Variants in RERE observed in about 807,000 individuals in gnomAD.
RERE encodes the protein arginine-glutamic acid dipeptide repeats protein.
Under a neutral mutation model 146.1 loss-of-function variants are expected in RERE, and 40 were observed. The ratio of observed to expected loss-of-function variants is 0.27; its 90% CI spans 0.21 to 0.36. RERE has a LOEUF of 0.36. Ranked by LOEUF, RERE falls within the 10% of genes least tolerant of loss-of-function variation. The pLI, the probability that RERE is intolerant of heterozygous loss-of-function variation, is 1.00. For missense variants in RERE, 1,933 were observed against 2,138.7 expected, an observed-to-expected ratio of 0.90 and a Z score of 1.90; for synonymous variants, 1,003 against 866.0, an observed-to-expected ratio of 1.16 and a Z score of -2.78.
chr1:8,753,202 T>C (rs1480271507), intron 1 of RERE, among the ~76,000 whole-genome samples: 3 of 152,180 alleles, frequency 2.0e-5, no homozygotes, highest in Non-Finnish European at 4.4e-5. Flanking sequence ...AATGCTTCCC[T>C]GCGATAAAAG....
At chr1:8,647,854 T>A (rs1441172426) in intron 2 of RERE, among the ~76,000 whole-genome samples, 1 of 152,204 alleles carries the variant, frequency 6.6e-6, no homozygotes, top group African/African-American at 2.4e-5. Context: ...GTTAGGACCA[T>A]TTGTTAAAAT....
intron 2 of RERE, among the ~76,000 whole-genome samples, chr1:8,635,914 G>T (rs1352571445): frequency 1.3e-5 from 2 of 152,040 alleles, no homozygotes; most frequent in Non-Finnish European, 1.5e-5. Context: ...GGTAGACATG[G>T]AAACAACTGT....
intron 12 of RERE, among the ~76,000 whole-genome samples, chr1:8,378,279 C>G (rs933560574): frequency 1.3e-5 from 2 of 152,208 alleles, no homozygotes; most frequent in African/African-American, 4.8e-5. Context: ...TTCAGGCAAG[C>G]CTGCAAACCA....
chr1:8,513,033 T>A (rs1480030721), intron 7 of RERE: 2 of 152,082 alleles, frequency 1.3e-5, no homozygotes, highest in African/African-American at 4.8e-5. Flanking sequence ...ACGAGGAGCC[T>A]ACAGAGCCCA....
At chr1:8,419,919 T>C (rs967105653) in intron 12 of RERE, among the ~76,000 whole-genome samples, 9 of 152,198 alleles carry the variant, frequency 5.9e-5, no homozygotes, top group Non-Finnish European at 1.3e-4. Context: ...AGAAACACCA[T>C]TTTACAGAAA....
chr1:8,794,398 C>T (rs1641427970), intron 1 of RERE, among the ~76,000 whole-genome samples: 1 of 139,402 alleles, frequency 7.2e-6, no homozygotes, highest in South Asian at 2.4e-4. Context: ...GAAATCATTT[C>T]AGGAACTAAA....
At chr1:8,592,206 C>T (rs1363359497) in intron 4 of RERE, among the ~76,000 whole-genome samples, 1 of 152,106 alleles carries the variant, frequency 6.6e-6, no homozygotes, top group Non-Finnish European at 1.5e-5. Context: ...CACTTCCACC[C>T]TAAATGCATT....
At chr1:8,684,251 C>T (rs957883650) in intron 1 of RERE, among the ~76,000 whole-genome samples, 41 of 152,114 alleles carry the variant, frequency 2.7e-4, no homozygotes, top group African/African-American at 9.4e-4. Context: ...TTAAAGAATG[C>T]TTCAATGACC....
At chr1:8,629,596 A>T (rs190431696) in intron 2 of RERE, among the ~76,000 whole-genome samples, 3 of 152,316 alleles carry the variant, frequency 2.0e-5, no homozygotes, top group Non-Finnish European at 2.9e-5. Context: ...AGTCTGAAGC[A>T]TTAGGCAGTG....
intron 8 of RERE, among the ~76,000 whole-genome samples, chr1:8,501,090 T>C (rs1246560285): frequency 1.4e-5 from 1 of 69,052 alleles, no homozygotes; most frequent in African/African-American, 5.8e-5. Flanking sequence ...GGTGAGGGGC[T>C]CCTCTGCCCG....
At chr1:8,758,210 C>T (rs1179513051) in intron 1 of RERE, among the ~76,000 whole-genome samples, 5 of 151,604 alleles carry the variant, frequency 3.3e-5, no homozygotes, top group Admixed American at 3.3e-4. Context: ...CTGAGTCTCT[C>T]GAGTAGCTGG....
At chr1:8,724,585 G>A (rs192764718) in intron 1 of RERE, among the ~76,000 whole-genome samples, 1 of 152,202 alleles carries the variant, frequency 6.6e-6, no homozygotes, top group Admixed American at 6.5e-5. Flanking sequence ...GGTGGCTCAC[G>A]CTTGTAATCC....
chr1:8,556,219 T>C (rs1243000140), intron 6 of RERE, among the ~76,000 whole-genome samples: 1 of 147,632 alleles, frequency 6.8e-6, no homozygotes, highest in African/African-American at 2.5e-5. Context: ...GAAATGAAGA[T>C]ACAATAATAT....
intron 10 of RERE, among the ~76,000 whole-genome samples, chr1:8,474,530 C>T (rs565519641): frequency 6.6e-6 from 1 of 152,268 alleles, no homozygotes; most frequent in South Asian, 2.1e-4. Flanking sequence ...TTTCAAGTTT[C>T]TATTCTGGCT....
intron 1 of RERE, among the ~76,000 whole-genome samples, chr1:8,673,247 C>T (rs535661752): frequency 6.6e-6 from 1 of 152,318 alleles, no homozygotes; most frequent in African/African-American, 2.4e-5. Context: ...AGGTGCCCGC[C>T]ACCACACCCG....
rs138941144 is a variant in RERE, at chr1:8,398,173, C to T, written c.1284+24554G>A. 7.3e-4 allele frequency among the ~76,000 whole-genome samples: 111 copies of T among 152,348 alleles called. 1 individual carries two copies. Among genetic ancestry groups the T allele is most frequent in the Middle Eastern group, 3.4e-3 (1 of 294 alleles). ...ATTTCCACATGGAGTAACAGAAGGG[C>T]AGGCATTCTGGGCAGAACACTGCAG... On this transcript the variant is annotated intron_variant, in intron 12 of 22. Transcript: ENST00000400908.
intron 10 of RERE, among the ~76,000 whole-genome samples, chr1:8,469,345 G>A (rs1381961617): frequency 2.6e-5 from 4 of 152,152 alleles, no homozygotes; most frequent in Non-Finnish European, 5.9e-5. Flanking sequence ...TTGGCTGGGC[G>A]CGGTGGCTCA....
intron 4 of RERE, among the ~76,000 whole-genome samples, chr1:8,575,069 T>C (rs978285157): frequency 7.2e-5 from 11 of 152,184 alleles, no homozygotes; most frequent in African/African-American, 1.2e-4. Flanking sequence ...CTGGCAACAA[T>C]TGTTGCCTCT....
intron 7 of RERE, among the ~76,000 whole-genome samples, chr1:8,514,918 A>G (rs1645393955): frequency 6.6e-6 from 1 of 152,232 alleles, no homozygotes; most frequent in African/African-American, 2.4e-5. Flanking sequence ...TTGATGAATA[A>G]CAACAGTAGC....
Sources: gnomAD v4.1 joint callset for allele counts (sites outside exome capture counted in the v4.1 genomes callset) on GRCh38, gnomAD v4.1.1 for gene constraint, MANE v1.5 for transcripts, NCBI Gene and HGNC (gene_info 2026-07-23, HGNC 2026-07-21) for gene names.